BDKRB2: variants seen among roughly 807,000 people sequenced by gnomAD.
BDKRB2 encodes the protein bradykinin receptor B2.
BDKRB2 carries 6 observed loss-of-function variants against 4.0 expected under a neutral mutation model. The ratio of observed to expected loss-of-function variants is 1.49; its 90% confidence interval spans 0.81 to 2.93. BDKRB2 has a LOEUF of 2.93. Among genes scored for constraint, BDKRB2 ranks in the 30% most tolerant of loss-of-function variants. BDKRB2 has a pLI of 0.00. For missense variants in BDKRB2, 478 were observed against 520.1 expected, an observed-to-expected ratio of 0.92 and a Z score of 0.79; for synonymous variants, 225 against 215.3, an observed-to-expected ratio of 1.05 and a Z score of -0.40.
intron 1 of BDKRB2, among the ~76,000 whole-genome samples, chr14:96,231,065 A>G (rs1241773546): frequency 6.6e-6 from 1 of 152,250 alleles, no homozygotes; most frequent in Non-Finnish European, 1.5e-5. Context: ...ACTGAGCAGA[A>G]TAATCTAACC....
intron 1 of BDKRB2, among the ~76,000 whole-genome samples, chr14:96,206,099 G>A (rs188516296): frequency 1.1e-3 from 173 of 152,334 alleles, no homozygotes; most frequent in East Asian, 8.5e-3. Context: ...GGCCCTGCCC[G>A]AGGTTCTCTG....
intron 2 of BDKRB2, chr14:96,237,683 G>A: frequency 1.6e-6 from 2 of 1,287,858 alleles, no homozygotes; most frequent in Admixed American, 2.3e-5. Context: ...ACAAGGCTGA[G>A]GGGTCCACTC....
rs368495707 is a variant in BDKRB2, at chr14:96,240,533, G to T, written c.205G>T (p.Val69Leu). Residue 69 changes from valine to leucine, a missense_variant, in exon 3 of 3, where the codon GTG (valine) becomes TTG (leucine). By Grantham distance (32) the Val-to-Leu change is conservative. Transcript: ENST00000554311. Reference protein sequence around the residue: ...IQPPFLWVLFVLATLENIFVL... With the variant: ...IQPPFLWVLFLLATLENIFVL... ...GCCCCCCTTCCTCTGGGTGCTGTTC[G>T]TGCTGGCCACCCTAGAGAACATCTT... 2.5e-6 allele frequency: 4 copies of T among 1,582,478 alleles called. No homozygotes were observed. The highest frequency in any genetic ancestry group is 3.4e-6 in the Non-Finnish European group (4 of 1,165,166).
intron 1 of BDKRB2, among the ~76,000 whole-genome samples, chr14:96,218,348 C>A (rs551082289): frequency 6.6e-6 from 1 of 152,254 alleles, no homozygotes; most frequent in South Asian, 2.1e-4. Context: ...AGCGCTTTTG[C>A]ACTTGAGACC....
Position 96,240,582 on chromosome 14 carries a change from A to C in BDKRB2, c.254A>C (p.His85Pro). 1 of 1,561,052 alleles carries C rather than the reference A, an allele frequency of 6.4e-7. No individual in the cohort carries two copies. Among genetic ancestry groups the C allele is most frequent in the Non-Finnish European group, 8.7e-7 (1 of 1,155,904 alleles). The change falls in exon 3 of 3, where the codon CAC becomes CCC. Residue 85 changes from histidine (H) to proline (P), a missense_variant. Coordinates refer to ENST00000554311, the MANE Select transcript of BDKRB2 (RefSeq NM_001379692.1). Reference sequence around the variant, plus strand: ...TTTGTCCTCAGCGTCTTCTGCCTGCACAAGAGCAGCTGCACGGTGGCAGAG... The same window carrying C: ...TTTGTCCTCAGCGTCTTCTGCCTGCCCAAGAGCAGCTGCACGGTGGCAGAG... ...NIFVLSVFCL[H>P]KSSCTVAEIY... is the part of the protein sequence containing the mutation.
At chr14:96,228,181 GC>G (rs1890742255) in intron 1 of BDKRB2, among the ~76,000 whole-genome samples, 1 of 152,252 alleles carries the variant, frequency 6.6e-6, no homozygotes, top group African/African-American at 2.4e-5. Context: ...GTGAGGGGAA[GC>G]ATGCAAGCAA....
intron 2 of BDKRB2, chr14:96,239,434 A>T (rs1885208445): frequency 1.0e-6 from 1 of 985,320 alleles, no homozygotes; most frequent in South Asian, 4.7e-5. Flanking sequence ...GTAGAGATGA[A>T]TTACAGCAAC....
chr14:96,218,367 C>A (rs143491203), intron 1 of BDKRB2, among the ~76,000 whole-genome samples: 38 of 152,278 alleles, frequency 2.5e-4, no homozygotes, highest in African/African-American at 8.7e-4. Flanking sequence ...CCCCTAAGTG[C>A]TAATTCTACC....
intron 1 of BDKRB2, among the ~76,000 whole-genome samples, chr14:96,207,425 T>TA (rs5810760): frequency 5.3e-5 from 8 of 151,710 alleles, no homozygotes; most frequent in South Asian, 2.1e-4. Context: ...CAGTAAAAAA[T>TA]AAAAAAAATC....
At chr14:96,211,156 C>G (rs890066678) in intron 1 of BDKRB2, 2 of 152,286 alleles carry the variant, frequency 1.3e-5, no homozygotes, top group African/African-American at 4.8e-5. Context: ...CCCCGCCATC[C>G]CTACCAAACA....
At chr14:96,236,367 C>A (rs560560336) in intron 1 of BDKRB2, among the ~76,000 whole-genome samples, 1 of 152,324 alleles carries the variant, frequency 6.6e-6, no homozygotes, top group East Asian at 1.9e-4. Flanking sequence ...AGAACCTCCC[C>A]TTTAACAGTT....
intron 1 of BDKRB2, chr14:96,223,369 A>C (rs771513926): frequency 6.4e-5 from 56 of 872,698 alleles, no homozygotes; most frequent in Non-Finnish European, 1.0e-4. Flanking sequence ...TACTTTTCAG[A>C]CTCAAGCTTT....
intron 1 of BDKRB2, among the ~76,000 whole-genome samples, chr14:96,231,090 A>G (rs1046702537): frequency 6.6e-6 from 1 of 152,248 alleles, no homozygotes; most frequent in Non-Finnish European, 1.5e-5. Flanking sequence ...TGAACAGGAA[A>G]AAAAGCCAAG....
intron 1 of BDKRB2, among the ~76,000 whole-genome samples, chr14:96,236,403 A>T (rs138815068): frequency 1.3e-5 from 2 of 152,070 alleles, no homozygotes; most frequent in Non-Finnish European, 2.9e-5. Flanking sequence ...TCCAGTCTAA[A>T]CACATGACCT....
At chr14:96,213,784 C>T (rs1245048704) in intron 1 of BDKRB2, among the ~76,000 whole-genome samples, 2 of 151,806 alleles carry the variant, frequency 1.3e-5, no homozygotes, top group Non-Finnish European at 2.9e-5. Flanking sequence ...CACAAGTATC[C>T]CCCCCGACAA....
intron 1 of BDKRB2, among the ~76,000 whole-genome samples, chr14:96,226,292 A>G (rs1890695825): frequency 6.6e-6 from 1 of 152,172 alleles, no homozygotes; most frequent in Non-Finnish European, 1.5e-5. Flanking sequence ...TGGTTTTGAC[A>G]ATCAGACAAT....
intron 2 of BDKRB2, chr14:96,240,146 G>C: frequency 8.3e-6 from 10 of 1,209,500 alleles, no homozygotes; most frequent in Non-Finnish European, 1.0e-5. Flanking sequence ...GGTGGATACT[G>C]GCCAAGGAAA....
chr14:96,217,662 G>A (rs1475688923), intron 1 of BDKRB2, among the ~76,000 whole-genome samples: 2 of 152,142 alleles, frequency 1.3e-5, no homozygotes, highest in Middle Eastern at 3.2e-3. Context: ...GTGGGGGGCT[G>A]GGGGTCTATC....
At chr14:96,211,469 G>A (rs1261052825) in intron 1 of BDKRB2, among the ~76,000 whole-genome samples, 3 of 152,228 alleles carry the variant, frequency 2.0e-5, no homozygotes, top group East Asian at 1.9e-4. Context: ...AACAGGTCAG[G>A]GGAGGCAGGA....
Sources: allele counts gnomAD v4.1 joint callset (sites outside exome capture counted in the v4.1 genomes callset), GRCh38; gene constraint gnomAD v4.1.1; transcripts MANE v1.5; gene names NCBI Gene and HGNC (gene_info 2026-07-23, HGNC 2026-07-21).